NAF1: variants seen among roughly 807,000 people sequenced by gnomAD.
NAF1 encodes nuclear assembly factor 1 ribonucleoprotein.
In NAF1, 11 loss-of-function variants were observed where a neutral mutation model predicts 40.6. The observed-to-expected ratio is 0.27, with a 90% CI of 0.17 to 0.45. The LOEUF is 0.45. Among genes scored for constraint, NAF1 ranks in the 20% least tolerant of loss-of-function variants. The pLI, the probability that NAF1 is intolerant of heterozygous loss-of-function variation, is 1.00. For synonymous variants in NAF1, 260 were observed against 228.5 expected (o/e 1.14, Z -1.24); for missense variants, 607 against 611.1 (o/e 0.99, Z 0.07).
At chr4:163,121,265 G>A (rs186475136) in intron 2 of NAF1, among the ~76,000 whole-genome samples, 9 of 152,152 alleles carry the variant, frequency 5.9e-5, no homozygotes, top group Admixed American at 3.9e-4. Context: ...CTTGGTTTCT[G>A]GAACATAATT....
chr4:163,138,581 TCAAAGA>T (rs1042374246), intron 5 of NAF1, among the ~76,000 whole-genome samples: 17 of 152,086 alleles, frequency 1.1e-4, no homozygotes, highest in African/African-American at 3.6e-4. Flanking sequence ...CTTCTCTACC[TCAAAGA>T]CAAAGTACTC....
At chr4:163,149,005 A>G (rs1731588440) in intron 2 of NAF1, among the ~76,000 whole-genome samples, 1 of 152,196 alleles carries the variant, frequency 6.6e-6, no homozygotes, top group Non-Finnish European at 1.5e-5. Context: ...GCTTTAGCCT[A>G]TAAAAACTAT....
intron 4 of NAF1, chr4:163,141,813 G>T: frequency 3.2e-6 from 1 of 316,620 alleles, no homozygotes; most frequent in Non-Finnish European, 4.6e-6. Context: ...CATTGAACAT[G>T]GCTGTTTTAT....
chr4:163,129,338 A>G lies in NAF1; in HGVS notation c.1044T>C (p.Phe348=). 1 of 1,605,854 alleles carries G rather than the reference A, an allele frequency of 6.2e-7. No individual in the cohort carries two copies. The change falls in exon 8 of 8, where the codon TTT becomes TTC. Residue 348 remains phenylalanine (F), a synonymous_variant. Coordinates refer to ENST00000274054, the MANE Select transcript of NAF1 (RefSeq NM_138386.3). ...CATTCCAATTCTGATGTACTTCAGT[A>G]AAATCTTCACCTTTGAGTGAGGGGA... ...KSEFNEPGED[F]TEVHQNWNAH...
chr4:163,166,766 G>T lies in NAF1; in HGVS notation c.-39C>A. On this transcript the variant is annotated 5_prime_UTR_variant, in exon 1 of 8. Coordinates refer to ENST00000274054, the MANE Select transcript of NAF1 (RefSeq NM_138386.3). ...AAACCGGGTCGGCCTCAGGATTGGG[G>T]CCCCTGGACAAGCTCACGGCTCTCT... is the stretch of plus-strand genomic sequence containing the variant. 1 of 1,610,030 alleles carries T rather than the reference G, an allele frequency of 6.2e-7. No individual in the cohort carries two copies. The highest frequency in any genetic ancestry group is 8.5e-7 in the Non-Finnish European group (1 of 1,178,640).
intron 2 of NAF1, 108 bp downstream of exon 2, chr4:163,164,109 G>A (rs1732343586): frequency 7.6e-7 from 1 of 1,312,230 alleles, no homozygotes; most frequent in African/African-American, 1.5e-5. Context: ...ATTAGGCTGA[G>A]AATAAATTTC....
At chr4:163,135,720 CAG>C (rs763887647) in intron 6 of NAF1, 1 of 152,198 alleles carries the variant, frequency 6.6e-6, no homozygotes, top group Non-Finnish European at 1.5e-5. Context: ...AACCCGGAGG[CAG>C]AGTTTGCGGT....
At chr4:163,140,171 T>C in intron 5 of NAF1, 52 bp downstream of exon 5, 1 of 1,414,272 alleles carries the variant, frequency 7.1e-7, no homozygotes, top group Non-Finnish European at 9.5e-7. Context: ...GAATTATTCT[T>C]AAAATATAAA....
At chr4:163,159,463 ATT>A (rs773839119) in intron 2 of NAF1, among the ~76,000 whole-genome samples, 2 of 152,154 alleles carry the variant, frequency 1.3e-5, no homozygotes, top group African/African-American at 2.4e-5. Flanking sequence ...TCAGGACAAA[ATT>A]TATAAACCAA....
chr4:163,163,346 A>T (rs775909115), intron 2 of NAF1, among the ~76,000 whole-genome samples: 1 of 152,218 alleles, frequency 6.6e-6, no homozygotes, highest in Non-Finnish European at 1.5e-5. Context: ...CATTCATGAA[A>T]AAGGCTCCTG....
Position 163,148,309 on chromosome 4 carries a change from A to C in NAF1, c.634+32T>G, listed in dbSNP as rs905554368. The C allele has an allele frequency of 2.2e-6, 3 of 1,389,354 alleles. No homozygotes were observed. The African/African-American group carries it at 4.4e-5, about 20-fold the overall frequency. 86.1% of individuals were successfully genotyped at this position (1,389,354 alleles called of 1,614,324 possible). A position where few individuals can be genotyped will look rare whatever the true frequency, so the allele number is the denominator to read the frequency against. Reference sequence around the variant, plus strand: ...ATTCAATTATTAGTGTGTGTTTGGAAACAATTTTTATTAATAGAATTCTTA... The same window carrying C: ...ATTCAATTATTAGTGTGTGTTTGGACACAATTTTTATTAATAGAATTCTTA... On this transcript the variant is annotated intron_variant, in intron 3 of 7. Transcript: ENST00000274054.
intron 7 of NAF1, 138 bp downstream of exon 7, chr4:163,133,016 T>C: frequency 1.5e-6 from 1 of 671,140 alleles, no homozygotes; most frequent in Non-Finnish European, 2.4e-6. Flanking sequence ...CCTCCTGCTA[T>C]GTAATGGCTC....
chr4:163,122,186 A>G (rs1044889411), downstream of NAF1, among the ~76,000 whole-genome samples: 4 of 152,218 alleles, frequency 2.6e-5, no homozygotes, highest in African/African-American at 7.2e-5. Flanking sequence ...GATTTCCAAT[A>G]CCTGAGAATT....
rs951928486 is a variant in NAF1, at chr4:163,166,852, G to T, written c.-125C>A. 32 of 1,305,592 alleles carry T rather than the reference G, an allele frequency of 2.5e-5. No individual in the cohort carries two copies. Among genetic ancestry groups the T allele is most frequent in the Non-Finnish European group, 3.2e-5 (31 of 972,174 alleles). The allele number at this position is 1,305,592 out of a possible 1,614,324, so 80.9% of individuals were successfully genotyped here. ...ACACTGCCTGGGCCCAACTTCCCGC[G>T]TTTCTCAGGTAACTACACGCGGAGG... On this transcript the variant is annotated 5_prime_UTR_variant, in exon 1 of 8. Transcript: ENST00000274054.
In NAF1 at chr4:163,143,146, C is replaced by T. The variant is rs554205984; in HGVS notation, c.717+2636G>A. ...AATTTAATCCAACTGATGCTTTATA[C>T]TTGCCCTGTCATTGAGAAGTGGTTT... On this transcript the variant is annotated intron_variant, in intron 4 of 7. Coordinates refer to ENST00000274054, the MANE Select transcript of NAF1 (RefSeq NM_138386.3). 9.2e-5 allele frequency among the ~76,000 whole-genome samples: 14 copies of T among 152,176 alleles called. No individual in the cohort carries two copies. The South Asian group carries it at 2.7e-3, about 29-fold the overall frequency.
chr4:163,118,334 T>C (rs754671799), intron 2 of NAF1, among the ~76,000 whole-genome samples: 1 of 152,194 alleles, frequency 6.6e-6, no homozygotes, highest in Non-Finnish European at 1.5e-5. Flanking sequence ...AGACAATACT[T>C]AAACAGAAAA....
downstream of NAF1, among the ~76,000 whole-genome samples, chr4:163,122,059 G>A (rs577085792): frequency 1.3e-5 from 2 of 152,080 alleles, no homozygotes; most frequent in South Asian, 4.1e-4. Context: ...AAATCCAAAT[G>A]CCAAACATTA....
chr4:163,153,996 T>A (rs1460337625), intron 2 of NAF1, among the ~76,000 whole-genome samples: 1 of 151,646 alleles, frequency 6.6e-6, no homozygotes, highest in African/African-American at 2.4e-5. Context: ...ACTCCAGACA[T>A]GCCGCCTTAA....
chr4:163,103,960 G>T, the NAF1 span, among the ~76,000 whole-genome samples: 1 of 152,126 alleles, frequency 6.6e-6, no homozygotes, highest in African/African-American at 2.4e-5. Flanking sequence ...TTTCACCAGG[G>T]TGCAGGCGGA....
Sources: gnomAD v4.1 joint callset for allele counts (sites outside exome capture counted in the v4.1 genomes callset) on GRCh38, gnomAD v4.1.1 for gene constraint, MANE v1.5 for transcripts, NCBI Gene and HGNC (gene_info 2026-07-23, HGNC 2026-07-21) for gene names.